Variants in ECM2 observed in about 807,000 individuals in gnomAD.
ECM2 encodes extracellular matrix protein 2, female organ and adipocyte specific.
Under a neutral mutation model 67.5 loss-of-function variants are expected in ECM2, and 57 were observed. That is an observed-to-expected ratio of 0.84 (90% CI 0.68 to 1.05). The LOEUF (loss-of-function observed/expected upper bound fraction) is 1.05. ECM2 is among the 50% of genes least tolerant of loss of function. The probability of loss-of-function intolerance (pLI) is 0.00; values close to 1 mark genes in which losing one functional copy is unlikely to be tolerated. For missense variants in ECM2, 741 were observed against 822.8 expected, an observed-to-expected ratio of 0.90 and a Z score of 1.22; for synonymous variants, 258 against 294.5, an observed-to-expected ratio of 0.88 and a Z score of 1.27.
intron 1 of ECM2, among the ~76,000 whole-genome samples, chr9:92,535,270 C>T (rs1849098378): frequency 6.6e-6 from 1 of 152,150 alleles, no homozygotes; most frequent in African/African-American, 2.4e-5. Context: ...ACTATTAATG[C>T]TTAGGCCCTC....
chr9:92,504,855 G>A (rs377445835), intron 7 of ECM2, among the ~76,000 whole-genome samples: 65 of 152,264 alleles, frequency 4.3e-4, no homozygotes, highest in African/African-American at 1.4e-3. Flanking sequence ...TGTTTTTAAC[G>A]CAGGAAATGA....
At chr9:92,546,742 T>C in the ECM2 span, among the ~76,000 whole-genome samples, 13 of 152,318 alleles carry the variant, frequency 8.5e-5, no homozygotes, top group East Asian at 2.5e-3. Flanking sequence ...CACAATACTA[T>C]GAACAATTTT....
chr9:92,507,850 C>T (rs188531465), intron 6 of ECM2, among the ~76,000 whole-genome samples: 1 of 152,348 alleles, frequency 6.6e-6, no homozygotes, highest in East Asian at 1.9e-4. Context: ...GGACTCTGCT[C>T]CTCCTGCAGG....
the ECM2 span, among the ~76,000 whole-genome samples, chr9:92,551,925 G>GTGTATATA: frequency 3.0e-4 from 25 of 84,516 alleles, 1 homozygote; most frequent in African/African-American, 1.6e-3. Context: ...TGGTGTGTGT[G>GTGTATATA]TATATATATA....
chr9:92,496,490 A>T lies in ECM2; in HGVS notation c.1932-7T>A, dbSNP rs1190930109. Reference sequence around the variant, plus strand: ...TTCTTCTGGAAGAATGTTCCTAAGGAAAAATAGACATGCAAGTCACACATG... The same window carrying T: ...TTCTTCTGGAAGAATGTTCCTAAGGTAAAATAGACATGCAAGTCACACATG... On this transcript the variant is annotated splice_region_variant and splice_polypyrimidine_tract_variant and intron_variant, in intron 9 of 9. Coordinates refer to ENST00000344604, the MANE Select transcript of ECM2 (RefSeq NM_001393.4). 2 of 1,605,762 alleles carry T rather than the reference A, an allele frequency of 1.2e-6. No homozygotes were observed. Among genetic ancestry groups the T allele is most frequent in the Non-Finnish European group, 1.7e-6 (2 of 1,178,092 alleles).
intron 6 of ECM2, 112 bp from the exon 7 acceptor site, chr9:92,505,802 G>T (rs538021770): frequency 1.2e-6 from 1 of 854,334 alleles, no homozygotes; most frequent in Non-Finnish European, 1.8e-6. Context: ...GGCAAATACA[G>T]TTTTTTTTAA....
chr9:92,497,778 G>A (rs1846435252), intron 9 of ECM2, among the ~76,000 whole-genome samples: 2 of 151,472 alleles, frequency 1.3e-5, no homozygotes, highest in South Asian at 4.2e-4. Flanking sequence ...TTTGGGTCAT[G>A]GGGGGCAAGT....
chr9:92,538,801 C>T (rs1488613235), upstream of ECM2, among the ~76,000 whole-genome samples: 1 of 152,204 alleles, frequency 6.6e-6, no homozygotes, highest in Non-Finnish European at 1.5e-5. Context: ...CACCAAACAA[C>T]ATGAGCAGAG....
chr9:92,509,830 A>C (rs955098346), intron 6 of ECM2, 69 bp downstream of exon 6: 2 of 1,464,496 alleles, frequency 1.4e-6, no homozygotes, highest in Non-Finnish European at 1.8e-6. Flanking sequence ...TACAGTAAAT[A>C]AAATTTCTAC....
chr9:92,550,528 A>C, the ECM2 span, among the ~76,000 whole-genome samples: 1 of 152,076 alleles, frequency 6.6e-6, no homozygotes, highest in Non-Finnish European at 1.5e-5. Flanking sequence ...AATTGATATA[A>C]CAAGTTTTCT....
At chr9:92,539,710 T>G (rs960352485), upstream of ECM2, among the ~76,000 whole-genome samples, 2 of 152,182 alleles carry the variant, frequency 1.3e-5, no homozygotes, top group Non-Finnish European at 2.9e-5. Context: ...TCTTGGCCCA[T>G]AGTTCAAATG....
chr9:92,544,145 G>A, the ECM2 span, among the ~76,000 whole-genome samples: 16 of 150,834 alleles, frequency 1.1e-4, no homozygotes, highest in African/African-American at 1.9e-4. Flanking sequence ...GCTTTTCATC[G>A]TTAAGCATGA....
At chr9:92,519,085 A>G (rs1274285252) in intron 2 of ECM2, among the ~76,000 whole-genome samples, 1 of 152,088 alleles carries the variant, frequency 6.6e-6, no homozygotes, top group Non-Finnish European at 1.5e-5. Context: ...ACTGTCCCCA[A>G]GTTCCACCCC....
At chr9:92,511,166 C>T (rs542010878) in intron 5 of ECM2, among the ~76,000 whole-genome samples, 109 of 152,310 alleles carry the variant, frequency 7.2e-4, no homozygotes, top group Admixed American at 2.0e-3. Flanking sequence ...TCCTCTGTCG[C>T]CCAGGCTGGA....
intron 8 of ECM2, 149 bp from the exon 9 acceptor site, chr9:92,501,202 A>G: frequency 2.5e-6 from 2 of 787,972 alleles, no homozygotes; most frequent in South Asian, 3.8e-5. Flanking sequence ...TTTTCCAGGT[A>G]TAGCCAGCCC....
In ECM2 at chr9:92,514,348, C is replaced by T. The variant is rs1328167547; in HGVS notation, c.1054+283G>A. On this transcript the variant is annotated intron_variant, in intron 4 of 9. Coordinates refer to ENST00000344604, the MANE Select transcript of ECM2 (RefSeq NM_001393.4). ...AGAGAACAGTGGCTCAATCTCAGCT[C>T]ACTGCAACCTCCGCCTCCTGGATTC... Among the ~76,000 whole-genome samples the T allele has an allele frequency of 4.0e-5, 6 of 150,530 alleles. No homozygotes were observed. The East Asian group carries it at 1.2e-3, about 30-fold the overall frequency.
chr9:92,528,126 TA>T (rs751730669), intron 1 of ECM2: 8 of 152,096 alleles, frequency 5.3e-5, no homozygotes, highest in Non-Finnish European at 1.0e-4. Context: ...CAACATGGAG[TA>T]ATAGGGACTA....
In ECM2 at chr9:92,516,432, CTATA is replaced by C. The variant is rs370120698; in HGVS notation, c.482-1233_482-1230del. ...ATCATCTGCCTACTTTTATTTAACACTATATATAAACTACTCCCAAAAAGAACTC... is the reference window on the plus strand; with the variant it reads ...ATCATCTGCCTACTTTTATTTAACACTATAAACTACTCCCAAAAAGAACTC... On this transcript the variant is annotated intron_variant, in intron 3 of 9. Transcript: ENST00000344604. Among the ~76,000 whole-genome samples the C allele has an allele frequency of 3.0e-3, 458 of 152,196 alleles. 3 individuals are homozygous for C. The highest frequency in any genetic ancestry group is 0.01 in the African/African-American group (422 of 41,510).
At chr9:92,513,927 TG>T (rs1847518687) in intron 4 of ECM2, among the ~76,000 whole-genome samples, 1 of 152,258 alleles carries the variant, frequency 6.6e-6, no homozygotes, top group Non-Finnish European at 1.5e-5. Context: ...TCATTAAAGC[TG>T]ATTTTTAAGA....
Sources: allele counts gnomAD v4.1 joint callset (sites outside exome capture counted in the v4.1 genomes callset), GRCh38; gene constraint gnomAD v4.1.1; transcripts MANE v1.5; gene names NCBI Gene and HGNC (gene_info 2026-07-23, HGNC 2026-07-21).